The following CD302 variants were observed in gnomAD, a reference collection of about 807,000 sequenced individuals.
The protein encoded by CD302 is CD302 antigen.
A neutral mutation model predicts 26.5 loss-of-function variants in CD302; 23 were observed. The ratio of observed to expected loss-of-function variants is 0.87; its 90% CI spans 0.62 to 1.23. CD302 has a LOEUF of 1.23. CD302 is among the 50% of genes most tolerant of loss of function. The pLI, the probability that CD302 is intolerant of heterozygous loss-of-function variation, is 0.00. For synonymous variants in CD302, 90 were observed against 99.4 expected (o/e 0.91, Z 0.56); for missense variants, 290 against 275.5 (o/e 1.05, Z -0.37).
rs114979677 is a variant in CD302, at chr2:159,787,313, T to C, written c.68-3844A>G. Among the ~76,000 whole-genome samples the C allele has an allele frequency of 6.0e-3, 912 of 152,334 alleles. 7 individuals are homozygous for C. The highest frequency in any genetic ancestry group is 0.021 in the African/African-American group (871 of 41,578). ...CTTTTAATTGAAGTATTTCCAGTAA[T>C]ACTTAATGTAGTTACGATGAATTGG... On this transcript the variant is annotated intron_variant, in intron 1 of 5. Coordinates refer to ENST00000259053, the MANE Select transcript of CD302 (RefSeq NM_014880.5).
intron 4 of CD302, 91 bp downstream of exon 4, chr2:159,779,914 A>AT: frequency 1.4e-6 from 2 of 1,452,266 alleles, no homozygotes; most frequent in South Asian, 2.8e-5. Context: ...TATTCTATTT[A>AT]TTGAGGCACA....
chr2:159,780,728 C>A lies in CD302; in HGVS notation c.295+154G>T, dbSNP rs139183517. On this transcript the variant is annotated intron_variant, in intron 3 of 5. Transcript: ENST00000259053. The stretch of plus-strand genomic sequence containing the variant: ...TGTAACTCATTGAGCTATGCAGATA[C>A]AAGCTGTGGTATGATCATAGGTGCA... 2.4e-3 allele frequency among the ~76,000 whole-genome samples: 367 copies of A among 152,258 alleles called. 2 individuals carry two copies. The highest frequency in any genetic ancestry group is 3.7e-3 in the East Asian group (19 of 5,182).
At position 159,772,008 on chromosome 2, in the gene CD302, A is replaced by G; in HGVS notation, c.542T>C (p.Ile181Thr). 1.2e-6 allele frequency: 2 copies of G among 1,614,052 alleles called. No individual in the cohort carries two copies. Among genetic ancestry groups the G allele is most frequent in the Non-Finnish European group, 1.7e-6 (2 of 1,179,948 alleles). Reference protein sequence around the residue: ...ISALVIASTVILTVLGAIIWF... With the variant: ...ISALVIASTVTLTVLGAIIWF... The stretch of plus-strand genomic sequence containing the variant: ...AATGATTGCTCCCAAAACTGTCAAA[A>G]TTACCGTGCTAGCAATCACCAATGC... The change falls in exon 6 of 6, where the codon ATT becomes ACT. Residue 181 changes from isoleucine to threonine, a missense_variant. Ile to Thr is a moderately conservative substitution (Grantham distance 89, BLOSUM62 -1). Transcript: ENST00000259053.
intron 1 of CD302, among the ~76,000 whole-genome samples, chr2:159,785,602 G>A (rs948620558): frequency 6.6e-6 from 1 of 152,190 alleles, no homozygotes; most frequent in Admixed American, 6.5e-5. Flanking sequence ...TCTGTATATG[G>A]AGCAGGTAGA....
At position 159,770,301 on chromosome 2, in the gene CD302, C is replaced by T. The variant is rs866387899; in HGVS notation, c.*1550G>A. 4 of 152,156 alleles carry T rather than the reference C, an allele frequency of 2.6e-5. No individual in the cohort carries two copies. The highest frequency in any genetic ancestry group is 9.7e-5 in the African/African-American group (4 of 41,416). 9.4% of individuals were successfully genotyped at this position (152,156 alleles called of 1,614,324 possible). On this transcript the variant is annotated 3_prime_UTR_variant, in exon 6 of 6. Transcript: ENST00000259053. ...AAATGTAAAGCTCTTACAGAGCATGCTTGTGCTTGTGTAACAGCTGGTGTA... is the reference window on the plus strand; with the variant it reads ...AAATGTAAAGCTCTTACAGAGCATGTTTGTGCTTGTGTAACAGCTGGTGTA...
At chr2:159,783,222 G>T in intron 2 of CD302, 137 bp downstream of exon 2, 4 of 641,022 alleles carry the variant, frequency 6.2e-6, no homozygotes, top group Non-Finnish European at 1.0e-5. Flanking sequence ...TAGCTTGTGT[G>T]TTGTCAAATA....
chr2:159,774,141 C>G (rs1708240100), intron 5 of CD302, among the ~76,000 whole-genome samples: 1 of 151,874 alleles, frequency 6.6e-6, no homozygotes, highest in Non-Finnish European at 1.5e-5. Context: ...TCCCTGACTG[C>G]TCTATTTTTC....
rs761657227 is a variant in CD302, at chr2:159,777,973, C to A, written c.470-9G>T. ...TTTCCTTTTGTATGGGACTAAAATACAAAAGAAAATAAAAATTAGAATTTA... is the reference window on the plus strand; with the variant it reads ...TTTCCTTTTGTATGGGACTAAAATAAAAAAGAAAATAAAAATTAGAATTTA... On this transcript the variant is annotated splice_polypyrimidine_tract_variant and intron_variant, in intron 4 of 5. Coordinates refer to ENST00000259053, the MANE Select transcript of CD302 (RefSeq NM_014880.5). 18 of 931,958 alleles carry A rather than the reference C, an allele frequency of 1.9e-5. No homozygotes were observed. The highest frequency in any genetic ancestry group is 2.4e-4 in the Middle Eastern group (1 of 4,198). The allele number at this position is 931,958 out of a possible 1,614,324, so 57.7% of individuals were successfully genotyped here. A position where few individuals can be genotyped will look rare whatever the true frequency, so the allele number is the denominator to read the frequency against.
chr2:159,796,155 T>C (rs1013276801), intron 1 of CD302, among the ~76,000 whole-genome samples: 1 of 152,244 alleles, frequency 6.6e-6, no homozygotes, highest in African/African-American at 2.4e-5. Context: ...AATACCCATA[T>C]TTATTATGCA....
At chr2:159,786,686 T>C (rs1708675022) in intron 1 of CD302, among the ~76,000 whole-genome samples, 1 of 152,252 alleles carries the variant, frequency 6.6e-6, no homozygotes, top group Admixed American at 6.5e-5. Context: ...CCAATTCTAA[T>C]ACCTTTCCTG....
chr2:159,790,521 A>G (rs1387398092), intron 1 of CD302, among the ~76,000 whole-genome samples: 1 of 152,216 alleles, frequency 6.6e-6, no homozygotes, highest in Non-Finnish European at 1.5e-5. Context: ...TGCCAGAGAC[A>G]TGACAGAGGA....
Position 159,771,718 on chromosome 2 carries a change from C to T in CD302, c.*133G>A. On this transcript the variant is annotated 3_prime_UTR_variant, in exon 6 of 6. Coordinates refer to ENST00000259053, the MANE Select transcript of CD302 (RefSeq NM_014880.5). ...AAAGACTTTTCACAGCAGATGAGTA[C>T]ATAAAAATGTTACTGGAATAAGGAA... The T allele has an allele frequency of 9.7e-7, 1 of 1,032,192 alleles. No individual in the cohort carries two copies. Among genetic ancestry groups the T allele is most frequent in the Non-Finnish European group, 1.4e-6 (1 of 719,174 alleles). 63.9% of individuals were successfully genotyped at this position (1,032,192 alleles called of 1,614,324 possible).
chr2:159,775,013 T>C (rs1708267747), intron 5 of CD302, among the ~76,000 whole-genome samples: 1 of 152,350 alleles, frequency 6.6e-6, no homozygotes, highest in African/African-American at 2.4e-5. Context: ...CATGGCCTTA[T>C]TAAATGAGGC....
intron 1 of CD302, among the ~76,000 whole-genome samples, chr2:159,787,877 G>T (rs1224133667): frequency 2.0e-5 from 3 of 152,116 alleles, no homozygotes; most frequent in Non-Finnish European, 4.4e-5. Flanking sequence ...CACCGAGGTG[G>T]GTGGATCACC....
At position 159,780,111 on chromosome 2, in the gene CD302, A is replaced by G. The variant is rs201544040; in HGVS notation, c.363T>C (p.Asp121=). 20 of 1,614,042 alleles carry G rather than the reference A, an allele frequency of 1.2e-5. No homozygotes were observed. The African/African-American group carries it at 1.9e-4, about 15-fold the overall frequency. The change falls in exon 4 of 6, where the codon GAT becomes GAC. Residue 121 remains aspartate, a synonymous_variant. Coordinates refer to ENST00000259053, the MANE Select transcript of CD302 (RefSeq NM_014880.5). The stretch of plus-strand genomic sequence containing the variant: ...AAGCACAGGTGTCAACTAAATCCTC[A>G]TCATCATCTTGGTCTGTCCACTTAT... ...TFDKWTDQDD[D]EDLVDTCAFL... is the part of the protein sequence containing the mutation.
intron 1 of CD302, among the ~76,000 whole-genome samples, chr2:159,795,945 A>G (rs1171797685): frequency 2.6e-5 from 4 of 152,230 alleles, no homozygotes; most frequent in Non-Finnish European, 5.9e-5. Flanking sequence ...CATACTGATC[A>G]TCTATTATGT....
intron 1 of CD302, among the ~76,000 whole-genome samples, chr2:159,794,187 C>T (rs1708882150): frequency 1.3e-5 from 2 of 151,506 alleles, no homozygotes; most frequent in Non-Finnish European, 2.9e-5. Flanking sequence ...ATCACTTGAG[C>T]CCAGCAGGTC....
At position 159,798,125 on chromosome 2, in the gene CD302, G is replaced by C. The variant is rs1242641942; in HGVS notation, c.67+7C>G. On this transcript the variant is annotated splice_region_variant and intron_variant, in intron 1 of 5. Coordinates refer to ENST00000259053, the MANE Select transcript of CD302 (RefSeq NM_014880.5). ...CGGTCCCGGCGAGGGACTACGTAAGGGCTTACCCGCGACGGCAGCAGCGGC... is the reference window on the plus strand; with the variant it reads ...CGGTCCCGGCGAGGGACTACGTAAGCGCTTACCCGCGACGGCAGCAGCGGC... 6.7e-7 allele frequency: 1 copy of C among 1,490,612 alleles called. No individual in the cohort carries two copies. Among genetic ancestry groups the C allele is most frequent in the Admixed American group, 2.2e-5 (1 of 44,658 alleles). The allele number at this position is 1,490,612 out of a possible 1,614,324, so 92.3% of individuals were successfully genotyped here. A position where few individuals can be genotyped will look rare whatever the true frequency, so the allele number is the denominator to read the frequency against.
In CD302 at chr2:159,769,414, G is replaced by C. The variant is rs1056471609; in HGVS notation, c.*2437C>G. The C allele has an allele frequency of 6.6e-6, 1 of 152,210 alleles. No homozygotes were observed. Among genetic ancestry groups the C allele is most frequent in the African/African-American group, 2.4e-5 (1 of 41,444 alleles). The allele number at this position is 152,210 out of a possible 1,614,324, so 9.4% of individuals were successfully genotyped here. On this transcript the variant is annotated 3_prime_UTR_variant, in exon 6 of 6. Coordinates refer to ENST00000259053, the MANE Select transcript of CD302 (RefSeq NM_014880.5). The stretch of plus-strand genomic sequence containing the variant: ...TCCCAGCACTTTGGGAGACCAAGGT[G>C]GGTGGATCACTTGAGGTCAGGAGTT...
Sources: allele counts gnomAD v4.1 joint callset (sites outside exome capture counted in the v4.1 genomes callset), GRCh38; gene constraint gnomAD v4.1.1; transcripts MANE v1.5; gene names NCBI Gene and HGNC (gene_info 2026-07-23, HGNC 2026-07-21).